The following TMEM8B variants were observed in gnomAD, a reference collection of about 807,000 sequenced individuals.
TMEM8B encodes nasopharyngeal carcinoma expressed 6.
TMEM8B carries 29 observed loss-of-function variants against 49.3 expected under a neutral mutation model. The ratio of observed to expected loss-of-function variants is 0.59; its 90% CI spans 0.44 to 0.80. TMEM8B has a LOEUF of 0.80. Among genes scored for constraint, TMEM8B ranks in the 30% least tolerant of loss-of-function variants. TMEM8B has a pLI of 0.00. For missense variants in TMEM8B, 575 were observed against 658.5 expected, an observed-to-expected ratio of 0.87 and a Z score of 1.39; for synonymous variants, 264 against 272.8, an observed-to-expected ratio of 0.97 and a Z score of 0.32.
At position 35,842,365 on chromosome 9, in the gene TMEM8B, C is replaced by G. The variant is rs576171157; in HGVS notation, c.1310-27C>G. The G allele has an allele frequency of 1.4e-6, 2 of 1,475,076 alleles. No individual in the cohort carries two copies. The highest frequency in any genetic ancestry group is 2.4e-5 in the East Asian group (1 of 42,154). 91.4% of individuals were successfully genotyped at this position (1,475,076 alleles called of 1,614,324 possible). On this transcript the variant is annotated intron_variant, in intron 5 of 12. Transcript: ENST00000643932. This position sits in a 1 kb window ranked among gnomAD's most constrained non-coding sequence, Gnocchi z 5.6. Reference sequence around the variant, plus strand: ...TTCAGGACTGTAAAGGCTGCAGGCCCAAGCTCTGGTTTCCTCTGCCCCACA... The same window carrying G: ...TTCAGGACTGTAAAGGCTGCAGGCCGAAGCTCTGGTTTCCTCTGCCCCACA...
At position 35,861,073 on chromosome 9, in the gene TMEM8B, G is replaced by C. The variant is rs1832644097; in HGVS notation, c.*7233G>C. 1 of 152,284 alleles carries C rather than the reference G, an allele frequency of 6.6e-6. No homozygotes were observed. Among genetic ancestry groups the C allele is most frequent in the Non-Finnish European group, 1.5e-5 (1 of 68,100 alleles). 9.4% of individuals were successfully genotyped at this position (152,284 alleles called of 1,614,324 possible). ...GGTCTGAAGGAAAAATAGGAGCTGA[G>C]TGTGAACTTTTATCACTCAGAAGAT... On this transcript the variant is annotated 3_prime_UTR_variant, in exon 13 of 13. Coordinates refer to ENST00000643932, the MANE Select transcript of TMEM8B (RefSeq NM_001042590.4).
intron 10 of TMEM8B, among the ~76,000 whole-genome samples, chr9:35,851,048 A>C (rs1265594579): frequency 6.6e-6 from 1 of 152,264 alleles, no homozygotes; most frequent in African/African-American, 2.4e-5. Context: ...GAATCAGCAC[A>C]TACAAATAGT....
In TMEM8B at chr9:35,854,571, A is replaced by T. The variant is rs1035417342; in HGVS notation, c.*731A>T. The T allele has an allele frequency of 2.0e-5, 3 of 152,218 alleles. No homozygotes were observed. The highest frequency in any genetic ancestry group is 7.2e-5 in the African/African-American group (3 of 41,498). The allele number at this position is 152,218 out of a possible 1,614,324, so 9.4% of individuals were successfully genotyped here. On this transcript the variant is annotated 3_prime_UTR_variant, in exon 13 of 13. Transcript: ENST00000643932. ...CCCTGTACACAGTCTGATCCCGCTC[A>T]TCTGGGCCCTGCATTCATTTCTAAA...
intron 10 of TMEM8B, chr9:35,847,325 C>G: frequency 1.6e-6 from 1 of 640,100 alleles, no homozygotes; most frequent in Non-Finnish European, 2.8e-6. Context: ...GGATTTGTGT[C>G]TGCACAGTCA....
Position 35,834,666 on chromosome 9 carries a change from A to G in TMEM8B, c.698+16A>G. 2.4e-6 allele frequency: 1 copy of G among 415,620 alleles called. No homozygotes were observed. Among genetic ancestry groups the G allele is most frequent in the Non-Finnish European group, 4.4e-6 (1 of 226,352 alleles). The allele number at this position is 415,620 out of a possible 1,614,324, so 25.7% of individuals were successfully genotyped here. A position where few individuals can be genotyped will look rare whatever the true frequency, so the allele number is the denominator to read the frequency against. ...GTGTGACTGTGTGAGTGTCTGAGTT[A>G]ATTTCCCAACCCCACTTCCAATCCC... On this transcript the variant is annotated intron_variant, in intron 2 of 12. Transcript: ENST00000643932.
intron 10 of TMEM8B, 64 bp downstream of exon 10, chr9:35,847,059 A>T: frequency 6.2e-7 from 1 of 1,614,078 alleles, no homozygotes; most frequent in Non-Finnish European, 8.5e-7. Flanking sequence ...CACAGTCTGT[A>T]TTTCCACCAC....
intron 10 of TMEM8B, among the ~76,000 whole-genome samples, chr9:35,848,449 C>G (rs1379093521): frequency 1.3e-5 from 2 of 152,154 alleles, no homozygotes; most frequent in Admixed American, 6.5e-5. Flanking sequence ...GTAAGAATAC[C>G]TAAGTGTGTC....
rs1564049534 is a variant in TMEM8B at position 35,853,719 on chromosome 9, A to G, written c.2654A>G (p.His885Arg). 3.1e-6 allele frequency: 5 copies of G among 1,613,966 alleles called. No homozygotes were observed. Among genetic ancestry groups the G allele is most frequent in the Non-Finnish European group, 4.2e-6 (5 of 1,179,930 alleles). Residue 885 changes from histidine (H) to arginine (R), a missense_variant, in exon 13 of 13, where the codon CAC (histidine) becomes CGC (arginine). By Grantham distance (29) the His-to-Arg change is conservative. Coordinates refer to ENST00000643932, the MANE Select transcript of TMEM8B (RefSeq NM_001042590.4). This position sits in a 1 kb window ranked among gnomAD's most constrained non-coding sequence, Gnocchi z 4.2. The part of the protein sequence containing the change: ...FLLPPRAKTD[H>R]GVPSGARARG... ...CTGCCCCCTCGTGCCAAGACTGACC[A>G]CGGGGTCCCATCTGGAGCCCGGGCC...
chr9:35,853,340 TG>T lies in TMEM8B; in HGVS notation c.2439+86del. Reference sequence around the variant, plus strand: ...CAGGTATCTGGTCCCCAGTTTAAGGTGGGCTTGGCTCTGTCGTCATCACCTG... The same window carrying T: ...CAGGTATCTGGTCCCCAGTTTAAGGTGGCTTGGCTCTGTCGTCATCACCTG... On this transcript the variant is annotated intron_variant, in intron 12 of 12. Coordinates refer to ENST00000643932, the MANE Select transcript of TMEM8B (RefSeq NM_001042590.4). The surrounding 1 kb of genome is among the most constrained non-coding windows in gnomAD (Gnocchi z 4.2). 1 of 1,468,888 alleles carries T rather than the reference TG, an allele frequency of 6.8e-7. No homozygotes were observed. Among genetic ancestry groups the T allele is most frequent in the Non-Finnish European group, 9.4e-7 (1 of 1,061,038 alleles). The allele number at this position is 1,468,888 out of a possible 1,614,324, so 91.0% of individuals were successfully genotyped here.
At position 35,860,459 on chromosome 9, in the gene TMEM8B, T is replaced by C. The variant is rs1193609294; in HGVS notation, c.*6619T>C. 1.3e-5 allele frequency: 2 copies of C among 152,154 alleles called. No individual in the cohort carries two copies. Among genetic ancestry groups the C allele is most frequent in the Non-Finnish European group, 2.9e-5 (2 of 68,024 alleles). The allele number at this position is 152,154 out of a possible 1,614,324, so 9.4% of individuals were successfully genotyped here. ...GCTGGGGCTATAGCAGTAAGGAAAG[T>C]AAGTGGACAAAAGGATTCCACACCT... On this transcript the variant is annotated 3_prime_UTR_variant, in exon 13 of 13. Transcript: ENST00000643932.
At chr9:35,852,675 G>A in intron 10 of TMEM8B, 152 bp from the exon 11 acceptor site, 1 of 852,412 alleles carries the variant, frequency 1.2e-6, no homozygotes, top group Non-Finnish European at 1.9e-6. Flanking sequence ...CTCAGGATTT[G>A]GGGAGTCAGG....
rs1832466701 is a variant in TMEM8B, at chr9:35,855,073, G to A, written c.*1233G>A. Reference sequence around the variant, plus strand: ...CATCTGGGATGCAGAGAGATTTCTTGTTCCCATTTGCATTACTCTCTCAGT... The same window carrying A: ...CATCTGGGATGCAGAGAGATTTCTTATTCCCATTTGCATTACTCTCTCAGT... On this transcript the variant is annotated 3_prime_UTR_variant, in exon 13 of 13. Transcript: ENST00000643932. The A allele has an allele frequency of 6.6e-6, 1 of 152,158 alleles. No individual in the cohort carries two copies. Among genetic ancestry groups the A allele is most frequent in the African/African-American group, 2.4e-5 (1 of 41,420 alleles). 9.4% of individuals were successfully genotyped at this position (152,158 alleles called of 1,614,324 possible). A position where few individuals can be genotyped will look rare whatever the true frequency, so the allele number is the denominator to read the frequency against.
At chr9:35,830,774 G>A (rs1337470946) in intron 1 of TMEM8B, among the ~76,000 whole-genome samples, 3 of 152,218 alleles carry the variant, frequency 2.0e-5, no homozygotes, top group Non-Finnish European at 4.4e-5. Context: ...TCCACAAACT[G>A]TTCCTTATTT....
chr9:35,835,454 G>A (rs910182447), intron 3 of TMEM8B: 3 of 371,450 alleles, frequency 8.1e-6, no homozygotes, highest in Non-Finnish European at 9.6e-6. Flanking sequence ...AAGCTGAAGG[G>A]AAAGTTGAGA....
chr9:35,846,748 C>T (rs1304852145), intron 9 of TMEM8B, 69 bp from the exon 10 acceptor site: 4 of 1,554,696 alleles, frequency 2.6e-6, no homozygotes, highest in Non-Finnish European at 2.6e-6. Context: ...AGACCACCCT[C>T]CACAAGCTGT....
rs942005356 is a variant in TMEM8B at position 35,829,239 on chromosome 9, A to C, written c.-209A>C. On this transcript the variant is annotated 5_prime_UTR_variant, in exon 1 of 13. Transcript: ENST00000643932. ...GGGGGCGGGGCGTCACGCCGACGTC[A>C]AGTCGAGGCCGCCGCCGCGGGGCCT... 2.9e-6 allele frequency: 1 copy of C among 343,754 alleles called. No individual in the cohort carries two copies. The highest frequency in any genetic ancestry group is 5.3e-6 in the Non-Finnish European group (1 of 189,972). The allele number at this position is 343,754 out of a possible 1,614,324, so 21.3% of individuals were successfully genotyped here.
At chr9:35,831,289 A>C (rs1829868406) in intron 1 of TMEM8B, among the ~76,000 whole-genome samples, 1 of 152,004 alleles carries the variant, frequency 6.6e-6, no homozygotes, top group African/African-American at 2.4e-5. Context: ...CGCCTGTGTT[A>C]TGGTATGAAG....
Position 35,842,522 on chromosome 9 carries a change from C to T in TMEM8B, c.1440C>T (p.Thr480=), listed in dbSNP as rs752566165. The T allele has an allele frequency of 8.7e-6, 14 of 1,613,704 alleles. No individual in the cohort carries two copies. In the South Asian group the frequency reaches 1.5e-4, roughly 18 times the overall value. Residue 480 remains threonine (T), a synonymous_variant, in exon 6 of 13, where the codon ACC becomes ACT. Transcript: ENST00000643932. This position sits in a 1 kb window ranked among gnomAD's most constrained non-coding sequence, Gnocchi z 5.6. ...GAACCCCTGCGGAGGGGCCTGGGAC[C>T]ACGTCCCCACCCGAGCACTGCTGGC... is the stretch of plus-strand genomic sequence containing the variant. ...SLGTPAEGPG[T]TSPPEHCWPV... is the part of the protein sequence containing the mutation.
chr9:35,839,835 C>T (rs1455911864), intron 3 of TMEM8B, among the ~76,000 whole-genome samples: 1 of 152,186 alleles, frequency 6.6e-6, no homozygotes, highest in Non-Finnish European at 1.5e-5. Flanking sequence ...GAAGGGACCC[C>T]CTTTTTGACA....
Sources: allele counts gnomAD v4.1 joint callset (sites outside exome capture counted in the v4.1 genomes callset), GRCh38; gene constraint gnomAD v4.1.1; non-coding constraint Gnocchi (gnomAD v3.1); transcripts MANE v1.5; gene names NCBI Gene and HGNC (gene_info 2026-07-23, HGNC 2026-07-21).